Variants in XPO6 observed in about 807,000 individuals in gnomAD.
XPO6 encodes exportin-6.
In XPO6, 3 loss-of-function variants were observed where a neutral mutation model predicts 130.0. The observed-to-expected ratio is 0.02, with a 90% CI of 0.01 to 0.06. The LOEUF (loss-of-function observed/expected upper bound fraction) is 0.06. XPO6 is among the 10% of genes least tolerant of loss of function. The probability of loss-of-function intolerance (pLI) is 1.00; values close to 1 mark genes in which losing one functional copy is unlikely to be tolerated. For missense variants in XPO6, 970 were observed against 1,393.0 expected (o/e 0.70, Z 4.83); for synonymous variants, 524 against 548.9 (o/e 0.95, Z 0.63).
chr16:28,101,329 TGCC>T lies in XPO6; in HGVS notation c.3276+126_3276+128del. The T allele has an allele frequency of 1.3e-6, 1 of 792,376 alleles. No homozygotes were observed. Among genetic ancestry groups the T allele is most frequent in the Non-Finnish European group, 2.2e-6 (1 of 461,300 alleles). The allele number at this position is 792,376 out of a possible 1,614,324, so 49.1% of individuals were successfully genotyped here. ...CCAGGTCAGCAGGCATCTCGTGAGC[TGCC>T]GCCAAGCTGCAGGGTGGGCACAGAC... On this transcript the variant is annotated intron_variant, in intron 23 of 23. Transcript: ENST00000304658. The surrounding 1 kb of genome is among the most constrained non-coding windows in gnomAD (Gnocchi z 5.4).
At chr16:28,104,135 G>C (rs2086719312) in intron 21 of XPO6, among the ~76,000 whole-genome samples, 1 of 152,152 alleles carries the variant, frequency 6.6e-6, no homozygotes, top group Admixed American at 6.5e-5. Flanking sequence ...GTTTCTCCCA[G>C]TATGGTCAGA....
intron 15 of XPO6, chr16:28,117,021 C>T (rs1418169823): frequency 4.1e-5 from 13 of 317,500 alleles, no homozygotes; most frequent in Admixed American, 1.7e-4. Context: ...GCTTACCGCG[C>T]GAAGGAAAAT....
In XPO6 at chr16:28,098,034, G is replaced by C. The variant is rs2086571544; in HGVS notation, c.*504C>G. ...TTTCATTAAGCTTCTTAGTTTCTTA[G>C]TATCACAATGGAATGATGAGAAAAC... is the stretch of plus-strand genomic sequence containing the variant. On this transcript the variant is annotated 3_prime_UTR_variant, in exon 24 of 24. Coordinates refer to ENST00000304658, the MANE Select transcript of XPO6 (RefSeq NM_015171.4). The C allele has an allele frequency of 6.5e-6, 1 of 152,982 alleles. No homozygotes were observed. The highest frequency in any genetic ancestry group is 1.5e-5 in the Non-Finnish European group (1 of 68,324). 9.5% of individuals were successfully genotyped at this position (152,982 alleles called of 1,614,324 possible). A position where few individuals can be genotyped will look rare whatever the true frequency, so the allele number is the denominator to read the frequency against.
At chr16:28,152,818 A>T in intron 7 of XPO6, 33 bp from the exon 8 acceptor site, 1 of 1,601,268 alleles carries the variant, frequency 6.2e-7, no homozygotes, top group Non-Finnish European at 8.5e-7. Context: ...TGACAATAAG[A>T]AACCCAGCCA....
chr16:28,198,922 T>A (rs1163895943), intron 1 of XPO6, among the ~76,000 whole-genome samples: 1 of 152,130 alleles, frequency 6.6e-6, no homozygotes, highest in Non-Finnish European at 1.5e-5. Context: ...GGTGGGTGGA[T>A]CACCTGAGGT....
At chr16:28,099,934 A>C (rs187669487) in intron 23 of XPO6, among the ~76,000 whole-genome samples, 1 of 152,328 alleles carries the variant, frequency 6.6e-6, no homozygotes, top group East Asian at 1.9e-4. Context: ...TCCTGGGTAG[A>C]ACACAGAAGT....
Position 28,106,341 on chromosome 16 carries a change from T to C in XPO6, c.2612+42A>G. The C allele has an allele frequency of 6.2e-7, 1 of 1,609,200 alleles. No homozygotes were observed. Among genetic ancestry groups the C allele is most frequent in the Non-Finnish European group, 8.5e-7 (1 of 1,175,644 alleles). On this transcript the variant is annotated intron_variant, in intron 19 of 23. Coordinates refer to ENST00000304658, the MANE Select transcript of XPO6 (RefSeq NM_015171.4). The surrounding 1 kb of genome is among the most constrained non-coding windows in gnomAD (Gnocchi z 4.2). ...ACTTTGTCGCCAGACCCACCACTTCTCCCTTGAATCTGAAAACTATAGATG... is the reference window on the plus strand; with the variant it reads ...ACTTTGTCGCCAGACCCACCACTTCCCCCTTGAATCTGAAAACTATAGATG...
intron 21 of XPO6, among the ~76,000 whole-genome samples, chr16:28,102,325 C>T (rs1349918779): frequency 6.6e-6 from 1 of 152,166 alleles, no homozygotes; most frequent in African/African-American, 2.4e-5. Context: ...TTGCATCCCC[C>T]GTCTCAAAAG....
rs774978575 is a variant in XPO6 at position 28,135,274 on chromosome 16, T to C, written c.1385A>G (p.Gln462Arg). 1.2e-6 allele frequency: 2 copies of C among 1,614,124 alleles called. No homozygotes were observed. Among genetic ancestry groups the C allele is most frequent in the Non-Finnish European group, 1.7e-6 (2 of 1,179,974 alleles). Residue 462 changes from glutamine to arginine, a missense_variant, in exon 10 of 24, where the codon CAG becomes CGG. By Grantham distance (43) the Gln-to-Arg change is conservative. Coordinates refer to ENST00000304658, the MANE Select transcript of XPO6 (RefSeq NM_015171.4). Reference protein sequence around the residue: ...LLLTEVLNRIQFRYNQAQLEE... With the variant: ...LLLTEVLNRIRFRYNQAQLEE... ...CAGCTGGGCTTGGTTGTATCTGAAC[T>C]GGATTCGATTCAACACCTCTGTGAG...
At chr16:28,176,207 A>G in intron 3 of XPO6, 112 bp from the exon 4 acceptor site, 2 of 989,824 alleles carry the variant, frequency 2.0e-6, no homozygotes, top group Non-Finnish European at 1.5e-6. Flanking sequence ...CTCTTTAAAT[A>G]AAGGTTTGGG....
At chr16:28,193,752 T>C (rs2043818103) in intron 1 of XPO6, among the ~76,000 whole-genome samples, 1 of 152,230 alleles carries the variant, frequency 6.6e-6, no homozygotes, top group East Asian at 1.9e-4. Flanking sequence ...GGGTTTTCCA[T>C]GAGCCTTCAA....
intron 16 of XPO6, 46 bp from the exon 17 acceptor site, chr16:28,112,052 C>T: frequency 6.4e-7 from 1 of 1,564,296 alleles, no homozygotes; most frequent in Middle Eastern, 1.8e-4. Flanking sequence ...GAGCCAAAGA[C>T]CGTGGTGCGG....
chr16:28,152,238 C>G (rs1417882922), intron 8 of XPO6, among the ~76,000 whole-genome samples: 1 of 152,152 alleles, frequency 6.6e-6, no homozygotes. Context: ...TTGGACACTA[C>G]CAAAACTTAA....
chr16:28,211,231 A>T, intron 1 of XPO6, 135 bp downstream of exon 1: 7 of 875,612 alleles, frequency 8.0e-6, no homozygotes, highest in Non-Finnish European at 1.1e-5. Context: ...CTCTGCACGC[A>T]TGTGTCACCG....
chr16:28,166,959 T>G (rs1053130841), intron 5 of XPO6: 1 of 620,716 alleles, frequency 1.6e-6, no homozygotes, highest in Non-Finnish European at 2.0e-6. Flanking sequence ...TTCCTGGCTT[T>G]TCTCTGGTTT....
chr16:28,131,594 T>C (rs990698816), intron 12 of XPO6, among the ~76,000 whole-genome samples: 2 of 152,222 alleles, frequency 1.3e-5, no homozygotes, highest in African/African-American at 4.8e-5. Context: ...CATTCCCTAT[T>C]ATACCATCAT....
intron 1 of XPO6, among the ~76,000 whole-genome samples, chr16:28,184,432 A>C (rs540972319): frequency 6.6e-6 from 1 of 152,330 alleles, no homozygotes; most frequent in Non-Finnish European, 1.5e-5. Context: ...AAAATTTCTT[A>C]AACAGAACAC....
chr16:28,119,134 C>A (rs1046057112), intron 14 of XPO6, among the ~76,000 whole-genome samples: 4 of 151,930 alleles, frequency 2.6e-5, no homozygotes, highest in Admixed American at 2.0e-4. Context: ...TCCTGGCTTG[C>A]AATTCTAAGT....
At chr16:28,175,836 G>C in intron 4 of XPO6, 62 bp downstream of exon 4, 3 of 1,504,894 alleles carry the variant, frequency 2.0e-6, no homozygotes, top group Non-Finnish European at 2.8e-6. Context: ...TCAGGACAAG[G>C]AAATAATCAC....
Sources: gnomAD v4.1 joint callset for allele counts (sites outside exome capture counted in the v4.1 genomes callset) on GRCh38, gnomAD v4.1.1 for gene constraint, Gnocchi (gnomAD v3.1) non-coding constraint, MANE v1.5 for transcripts, NCBI Gene and HGNC (gene_info 2026-07-23, HGNC 2026-07-21) for gene names.